The following TEX11 variants were observed in gnomAD, a reference collection of about 807,000 sequenced individuals.
TEX11 encodes testis-expressed protein 11.
TEX11 carries 7 observed loss-of-function variants against 84.4 expected under a neutral mutation model. The ratio of observed to expected loss-of-function variants is 0.08; its 90% CI spans 0.05 to 0.16. The LOEUF (loss-of-function observed/expected upper bound fraction) is 0.16, where lower values mean the gene tolerates loss of function less well. Among genes scored for constraint, TEX11 ranks in the 10% least tolerant of loss-of-function variants. The pLI, the probability that TEX11 is intolerant of heterozygous loss-of-function variation, is 1.00. For synonymous variants in TEX11, 264 were observed against 222.8 expected (o/e 1.18, Z -1.64); for missense variants, 551 against 660.5 (o/e 0.83, Z 1.82).
At chrX:70,842,764 G>T (rs1049083879) in intron 7 of TEX11, among the ~76,000 whole-genome samples, 2 of 111,799 alleles carry the variant, frequency 1.8e-5, no homozygotes, top group African/African-American at 6.5e-5. Context: ...TCCTCAAGCT[G>T]ATAAACAACT....
chrX:70,841,774 C>T (rs759354751), intron 7 of TEX11, among the ~76,000 whole-genome samples: 23 of 109,996 alleles, frequency 2.1e-4, no homozygotes, highest in East Asian at 8.6e-4. Flanking sequence ...ATCAATTAGA[C>T]GCAATAAAAA....
intron 16 of TEX11, 33 bp downstream of exon 16, chrX:70,670,344 T>C: frequency 8.4e-7 from 1 of 1,195,277 alleles, no homozygotes; most frequent in Non-Finnish European, 1.1e-6. Flanking sequence ...ATAAGAACAT[T>C]TGCTACCTCT....
intron 13 of TEX11, among the ~76,000 whole-genome samples, chrX:70,706,141 G>A (rs781516421): frequency 1.8e-5 from 2 of 110,933 alleles, no homozygotes; most frequent in South Asian, 3.9e-4. Flanking sequence ...AAAAAGGATG[G>A]GTTCATGTCC....
chrX:70,688,602 T>C (rs1336943790), intron 13 of TEX11, among the ~76,000 whole-genome samples: 2 of 109,789 alleles, frequency 1.8e-5, no homozygotes, highest in Admixed American at 9.9e-5. Context: ...GTTGCCAGCA[T>C]CTCAGGAAGA....
chrX:70,866,766 G>A (rs762189365), intron 4 of TEX11, among the ~76,000 whole-genome samples: 3 of 111,851 alleles, frequency 2.7e-5, no homozygotes, highest in African/African-American at 6.5e-5. Flanking sequence ...AACGTAATCC[G>A]TCGCATAAAC....
chrX:70,593,275 A>T (rs969805971), intron 24 of TEX11, among the ~76,000 whole-genome samples: 1 of 111,991 alleles, frequency 8.9e-6, no homozygotes, highest in African/African-American at 3.2e-5. Flanking sequence ...GTCTTTGCAC[A>T]GGCAAAGACT....
chrX:70,760,733 G>A (rs2090903162), intron 9 of TEX11, among the ~76,000 whole-genome samples: 1 of 111,683 alleles, frequency 9.0e-6, no homozygotes. Flanking sequence ...CAAAAGCAAT[G>A]GCAACAAAAG....
intron 16 of TEX11, among the ~76,000 whole-genome samples, chrX:70,662,594 A>G (rs1272836406): frequency 9.0e-6 from 1 of 111,513 alleles, no homozygotes; most frequent in Non-Finnish European, 1.9e-5. Context: ...TGAAGGAAAA[A>G]ATGTTAAGTG....
At chrX:70,722,832 A>G (rs1175024786) in intron 12 of TEX11, 136 bp from the exon 13 acceptor site, 1 of 488,293 alleles carries the variant, frequency 2.0e-6, no homozygotes. Context: ...AAATTTATCA[A>G]AATCTTCTTT....
At chrX:70,755,412 T>C (rs766602267) in intron 9 of TEX11, among the ~76,000 whole-genome samples, 2 of 111,835 alleles carry the variant, frequency 1.8e-5, no homozygotes, top group Admixed American at 9.5e-5. Context: ...AATAGCAGAA[T>C]TGATCAAGTA....
intron 8 of TEX11, among the ~76,000 whole-genome samples, chrX:70,832,268 A>T (rs890203595): frequency 8.9e-6 from 1 of 111,924 alleles, no homozygotes; most frequent in African/African-American, 3.2e-5. Flanking sequence ...CATGAATAAC[A>T]AGGCAAGAAT....
intron 2 of TEX11, among the ~76,000 whole-genome samples, chrX:70,893,532 G>A (rs1602217398): frequency 8.9e-6 from 1 of 111,797 alleles, no homozygotes; most frequent in East Asian, 2.8e-4. Context: ...TGAGAGCAAA[G>A]AGACAACATA....
At chrX:70,596,210 T>C (rs2089005226) in intron 24 of TEX11, among the ~76,000 whole-genome samples, 1 of 111,519 alleles carries the variant, frequency 9.0e-6, no homozygotes, top group Non-Finnish European at 1.9e-5. Context: ...AATAGCCCAC[T>C]TTAAGTAATG....
chrX:70,820,054 T>G lies in TEX11; in HGVS notation c.607-13264A>C, dbSNP rs189297025. Among the ~76,000 whole-genome samples, 14 of 112,200 alleles carry G rather than the reference T, an allele frequency of 1.2e-4. 1 individual carries two copies. Among genetic ancestry groups the G allele is most frequent in the Admixed American group, 1.2e-3 (13 of 10,541 alleles). On this transcript the variant is annotated intron_variant, in intron 8 of 29. Transcript: ENST00000374333. Reference sequence around the variant, plus strand: ...AAATCTGAATGGCATTCTTTACAGATAGGAAAAACAATCCTAAAATTCATA... The same window carrying G: ...AAATCTGAATGGCATTCTTTACAGAGAGGAAAAACAATCCTAAAATTCATA...
intron 11 of TEX11, among the ~76,000 whole-genome samples, chrX:70,728,054 T>C (rs1222200511): frequency 8.9e-6 from 1 of 112,972 alleles, no homozygotes; most frequent in Non-Finnish European, 1.9e-5. Context: ...ATTCAAATCA[T>C]GTTTTTTCAG....
chrX:70,596,401 T>A (rs2089007631), intron 24 of TEX11, among the ~76,000 whole-genome samples: 1 of 111,346 alleles, frequency 9.0e-6, no homozygotes, highest in South Asian at 3.8e-4. Flanking sequence ...AACACAAACT[T>A]CAAATAAATT....
At chrX:70,743,871 A>AC (rs2090749893) in intron 10 of TEX11, among the ~76,000 whole-genome samples, 3 of 87,721 alleles carry the variant, frequency 3.4e-5, no homozygotes, top group Non-Finnish European at 4.5e-5. Flanking sequence ...TCTATCTCAA[A>AC]ACACACACAC....
At chrX:70,852,698 G>A (rs746657823) in intron 7 of TEX11, among the ~76,000 whole-genome samples, 1 of 111,923 alleles carries the variant, frequency 8.9e-6, no homozygotes, top group Non-Finnish European at 1.9e-5. Flanking sequence ...GCTCTTTTCA[G>A]GCAAATATTT....
At chrX:70,592,582 T>C (rs772076081) in intron 24 of TEX11, among the ~76,000 whole-genome samples, 20 of 111,474 alleles carry the variant, frequency 1.8e-4, no homozygotes, top group Admixed American at 4.8e-4. Context: ...TCATCTCAGC[T>C]CTCTCATCTC....
Sources: gnomAD v4.1 joint callset for allele counts (sites outside exome capture counted in the v4.1 genomes callset) on GRCh38, gnomAD v4.1.1 for gene constraint, MANE v1.5 for transcripts, NCBI Gene and HGNC (gene_info 2026-07-23, HGNC 2026-07-21) for gene names.